The following COL12A1 variants were observed in gnomAD, a reference collection of about 807,000 sequenced individuals.
COL12A1 encodes collagen type XII alpha 1 chain.
A neutral mutation model predicts 349.7 loss-of-function variants in COL12A1; 114 were observed. That is an observed-to-expected ratio of 0.33 (90% CI 0.28 to 0.38). The LOEUF (loss-of-function observed/expected upper bound fraction) is 0.38, where lower values mean the gene tolerates loss of function less well. COL12A1 is among the 10% of genes least tolerant of loss of function. COL12A1 has a pLI of 1.00. For missense variants in COL12A1, 3,284 were observed against 3,756.9 expected (o/e 0.87, Z 3.29); for synonymous variants, 1,369 against 1,329.0 (o/e 1.03, Z -0.66).
chr6:75,140,655 CAAAAAAAA>C lies in COL12A1; in HGVS notation c.4957+1369_4957+1376del, dbSNP rs1236499281. On this transcript the variant is annotated intron_variant, in intron 27 of 65. Coordinates refer to ENST00000322507, the MANE Select transcript of COL12A1 (RefSeq NM_004370.6). ...TGGGTGACAGAGCGAGACTCTGTCT[CAAAAAAAA>C]AAAAAAAAAAAAAAAGCAGGTTATA... Among the ~76,000 whole-genome samples the C allele has an allele frequency of 8.1e-3, 376 of 46,138 alleles. 5 individuals carry two copies. The highest frequency in any genetic ancestry group is 0.032 in the African/African-American group (359 of 11,154). 30.3% of individuals were successfully genotyped at this position (46,138 alleles called of 152,430 possible). A position where few individuals can be genotyped will look rare whatever the true frequency, so the allele number is the denominator to read the frequency against.
chr6:75,181,197 T>C lies in COL12A1; in HGVS notation c.1906A>G (p.Lys636Glu), dbSNP rs754916465. 2.1e-5 allele frequency: 34 copies of C among 1,596,972 alleles called. No homozygotes were observed. The African/African-American group carries it at 2.4e-4, about 12-fold the overall frequency. ...GTCACTTCTGAAAAACTAAGATCCT[T>C]TGGAGGGACGTAAGCTATTTAAAAA... ...AIKKKAYVPP[K>E]DLSFSEVTSY... Residue 636 changes from lysine to glutamate, a missense_variant, in exon 11 of 66, where the codon AAG becomes GAG. This residue lies in a region of COL12A1 where 2,601 missense variants were observed against 2,824.8 expected (regional missense o/e 0.92). Transcript: ENST00000322507.
chr6:75,181,777 C>A (rs1374303828), intron 10 of COL12A1, among the ~76,000 whole-genome samples: 2 of 151,368 alleles, frequency 1.3e-5, no homozygotes, highest in African/African-American at 2.4e-5. Flanking sequence ...CGAGAGAATG[C>A]AACATTATTA....
intron 59 of COL12A1, among the ~76,000 whole-genome samples, chr6:75,096,788 C>T (rs1020349547): frequency 4.1e-5 from 6 of 147,212 alleles, no homozygotes; most frequent in South Asian, 2.2e-4. Flanking sequence ...CCCAGCTACT[C>T]GGGAGGCTGA....
intron 23 of COL12A1, 46 bp downstream of exon 23, chr6:75,147,629 T>A (rs376041172): frequency 6.5e-7 from 1 of 1,547,338 alleles, no homozygotes; most frequent in Non-Finnish European, 8.7e-7. Flanking sequence ...TCATGCTTTA[T>A]CTTGGAAAAG....
At chr6:75,099,654 C>A (rs1338285048) in intron 58 of COL12A1, among the ~76,000 whole-genome samples, 1 of 152,160 alleles carries the variant, frequency 6.6e-6, no homozygotes, top group Non-Finnish European at 1.5e-5. Context: ...TTGCTGCAAG[C>A]CACAGCAGTT....
rs115285483 is a variant in COL12A1, at chr6:75,194,519, G to A, written c.190+312C>T. Among the ~76,000 whole-genome samples, 1,308 of 152,260 alleles carry A rather than the reference G, an allele frequency of 8.6e-3. 19 individuals are homozygous for A. The highest frequency in any genetic ancestry group is 0.031 in the Middle Eastern group (9 of 294). On this transcript the variant is annotated intron_variant, in intron 3 of 65. Transcript: ENST00000322507. The stretch of plus-strand genomic sequence containing the variant: ...AAATATTAAGTAATTCAAGAAGAAT[G>A]CCAAAGAATGAGGATTTGATTCTAT...
intron 13 of COL12A1, among the ~76,000 whole-genome samples, chr6:75,171,204 AC>A (rs1261810899): frequency 6.6e-6 from 1 of 152,184 alleles, no homozygotes; most frequent in African/African-American, 2.4e-5. Flanking sequence ...AACTGCTCTA[AC>A]AACAACAGGG....
At chr6:75,098,690 G>C (rs1768166003) in intron 58 of COL12A1, among the ~76,000 whole-genome samples, 1 of 152,038 alleles carries the variant, frequency 6.6e-6, no homozygotes, top group Non-Finnish European at 1.5e-5. Context: ...TGTCTTAACT[G>C]CCCTCCACTC....
chr6:75,176,209 A>T (rs1768934883), intron 12 of COL12A1, among the ~76,000 whole-genome samples: 1 of 152,158 alleles, frequency 6.6e-6, no homozygotes, highest in African/African-American at 2.4e-5. Context: ...AGAGTGAAAC[A>T]GTGAAAGGAG....
chr6:75,101,454 G>T, intron 58 of COL12A1, 146 bp downstream of exon 58: 1 of 672,324 alleles, frequency 1.5e-6, no homozygotes. Flanking sequence ...ATGTTGGATG[G>T]TCCACTGACA....
At chr6:75,155,970 A>T (rs774410357) in intron 15 of COL12A1, 116 bp from the exon 16 acceptor site, 1 of 1,088,830 alleles carries the variant, frequency 9.2e-7, no homozygotes, top group Non-Finnish European at 1.3e-6. Context: ...CCGGTAGCAC[A>T]AAATAGCATG....
intron 64 of COL12A1, among the ~76,000 whole-genome samples, chr6:75,088,145 A>C (rs970987184): frequency 6.6e-6 from 1 of 152,240 alleles, no homozygotes; most frequent in Non-Finnish European, 1.5e-5. Context: ...TATGCAAAGC[A>C]ATATTGTTTC....
At chr6:75,116,096 A>G in intron 47 of COL12A1, 39 bp from the exon 48 acceptor site, 1 of 1,595,334 alleles carries the variant, frequency 6.3e-7, no homozygotes, top group Non-Finnish European at 8.6e-7. Context: ...ATTCACCAAC[A>G]CGATGTACAA....
intron 65 of COL12A1, among the ~76,000 whole-genome samples, 177 bp from the exon 66 acceptor site, chr6:75,086,734 A>T (rs1767511961): frequency 6.6e-6 from 1 of 151,174 alleles, no homozygotes; most frequent in Admixed American, 6.6e-5. Context: ...TTTATAAAGA[A>T]TTAAATTGCA....
rs565156207 is a variant in COL12A1 at position 75,159,296 on chromosome 6, A to G, written c.2984-2773T>C. 6.6e-5 allele frequency among the ~76,000 whole-genome samples: 10 copies of G among 150,996 alleles called. No homozygotes were observed. The South Asian group carries it at 2.1e-3, about 31-fold the overall frequency. On this transcript the variant is annotated intron_variant, in intron 14 of 65. Coordinates refer to ENST00000322507, the MANE Select transcript of COL12A1 (RefSeq NM_004370.6). The stretch of plus-strand genomic sequence containing the variant: ...TTTATTTTTAGGTTTAAAGAAACTA[A>G]GAGAACTCTCAGTGAAGTCCATTAC...
Position 75,125,236 on chromosome 6 carries a change from C to A in COL12A1, c.6498G>T (p.Met2166Ile). 1 of 1,608,892 alleles carries A rather than the reference C, an allele frequency of 6.2e-7. No individual in the cohort carries two copies. The highest frequency in any genetic ancestry group is 8.5e-7 in the Non-Finnish European group (1 of 1,177,340). ...TGAGATTGTGTAAGGTATATGATGT[C>A]ATTTCTCCAACAAAGGCTTCCATGG... ...NEPMEAFVGEMTSYTLHNLNP... is the reference protein window; with the variant it reads ...NEPMEAFVGEITSYTLHNLNP... The change falls in exon 40 of 66, where the codon ATG becomes ATT. Residue 2166 changes from methionine (M) to isoleucine (I), a missense_variant. This residue lies in a region of COL12A1 where 2,601 missense variants were observed against 2,824.8 expected (regional missense o/e 0.92). Transcript: ENST00000322507.
intron 13 of COL12A1, 104 bp from the exon 14 acceptor site, chr6:75,165,883 C>T (rs1245371059): frequency 1.8e-6 from 2 of 1,140,178 alleles, no homozygotes; most frequent in African/African-American, 1.6e-5. Context: ...TGGACTCACA[C>T]TCAATTTGTC....
chr6:75,151,327 GA>G, intron 20 of COL12A1, 40 bp from the exon 21 acceptor site: 6 of 1,578,242 alleles, frequency 3.8e-6, no homozygotes, highest in Admixed American at 1.7e-5. Flanking sequence ...GCACTTCTCA[GA>G]AAAAAATTAA....
chr6:75,144,631 A>G (rs1215497477), intron 25 of COL12A1, among the ~76,000 whole-genome samples: 1 of 152,210 alleles, frequency 6.6e-6, no homozygotes, highest in Non-Finnish European at 1.5e-5. Flanking sequence ...ACGCTTCAAG[A>G]AAAAAGCACC....
Sources: allele counts gnomAD v4.1 joint callset (sites outside exome capture counted in the v4.1 genomes callset), GRCh38; gene constraint gnomAD v4.1.1; regional missense constraint gnomAD v4.1.1; transcripts MANE v1.5; gene names NCBI Gene and HGNC (gene_info 2026-07-23, HGNC 2026-07-21).